Variants in GRM3 observed in about 807,000 individuals in gnomAD.
The protein encoded by GRM3 is glutamate metabotropic receptor 3, also known as metabotropic glutamate receptor 3.
In GRM3, 26 loss-of-function variants were observed where a neutral mutation model predicts 70.5. That is an observed-to-expected ratio of 0.37 (90% CI 0.27 to 0.51). The LOEUF (loss-of-function observed/expected upper bound fraction) is 0.51, where lower values mean the gene tolerates loss of function less well. GRM3 is among the 20% of genes least tolerant of loss of function. The pLI is 0.93. For missense variants in GRM3, 859 were observed against 1,123.8 expected, an observed-to-expected ratio of 0.76 and a Z score of 3.37; for synonymous variants, 443 against 434.9, an observed-to-expected ratio of 1.02 and a Z score of -0.23.
intron 1 of GRM3, among the ~76,000 whole-genome samples, chr7:86,705,709 CA>C (rs946400882): frequency 1.1e-3 from 167 of 151,944 alleles, no homozygotes; most frequent in African/African-American, 3.9e-3. Flanking sequence ...AAAAACAAAA[CA>C]AAAAAGAAAC....
At chr7:86,729,815 T>C (rs1300173113) in intron 1 of GRM3, among the ~76,000 whole-genome samples, 6 of 152,158 alleles carry the variant, frequency 3.9e-5, no homozygotes, top group Non-Finnish European at 7.3e-5. Flanking sequence ...CTATTAAAAA[T>C]GGCATAACTC....
intron 3 of GRM3, among the ~76,000 whole-genome samples, chr7:86,811,470 T>C (rs1479927971): frequency 1.3e-5 from 2 of 151,826 alleles, no homozygotes; most frequent in Admixed American, 1.3e-4. Flanking sequence ...GTATCATCTC[T>C]AGGAGGACCA....
At chr7:86,661,966 A>AT (rs1793905426) in intron 1 of GRM3, among the ~76,000 whole-genome samples, 1 of 151,792 alleles carries the variant, frequency 6.6e-6, no homozygotes, top group Non-Finnish European at 1.5e-5. Context: ...ATATAATAAT[A>AT]TTTTTTCCCA....
In GRM3 at chr7:86,850,440, C is replaced by A; in HGVS notation, c.2462C>A (p.Pro821His). Residue 821 changes from proline to histidine, a missense_variant, in exon 5 of 6, where the codon CCC (proline) becomes CAC (histidine). Physicochemically the swap from Pro to His is moderately conservative, Grantham distance 77. Coordinates refer to ENST00000361669, the MANE Select transcript of GRM3 (RefSeq NM_000840.3). The part of the protein sequence containing the change: ...GFVVLGCLFA[P>H]KVHIILFQPQ... The stretch of plus-strand genomic sequence containing the variant: ...GTGGTCTTGGGCTGTTTGTTTGCAC[C>A]CAAGGTTCACATCATCCTGTTTCAA... 6.2e-7 allele frequency: 1 copy of A among 1,612,144 alleles called. No homozygotes were observed. The highest frequency in any genetic ancestry group is 8.5e-7 in the Non-Finnish European group (1 of 1,178,470).
chr7:86,849,161 G>A (rs549532901), intron 4 of GRM3, among the ~76,000 whole-genome samples: 84 of 152,242 alleles, frequency 5.5e-4, no homozygotes, highest in African/African-American at 2.0e-3. Flanking sequence ...GGCAGAAAGA[G>A]GACAATGCTA....
rs274623 is a variant in GRM3, at chr7:86,644,880, T to G, written c.-141+8T>G. On this transcript the variant is annotated splice_region_variant and intron_variant, in intron 1 of 5. Transcript: ENST00000361669. ...AGGAGTTGTCGGTGCGAGGTAAGGGTCCCAGAGGAGGACGTGTCCCTCTGG... is the reference window on the plus strand; with the variant it reads ...AGGAGTTGTCGGTGCGAGGTAAGGGGCCCAGAGGAGGACGTGTCCCTCTGG... 0.66 allele frequency: 845,480 copies of G among 1,279,992 alleles called. 282,797 individuals carry two copies. The highest frequency in any genetic ancestry group is 0.88 in the East Asian group (15,704 of 17,912). The allele number at this position is 1,279,992 out of a possible 1,614,324, so 79.3% of individuals were successfully genotyped here. A position where few individuals can be genotyped will look rare whatever the true frequency, so the allele number is the denominator to read the frequency against.
chr7:86,666,465 T>C (rs1001183091), intron 1 of GRM3, among the ~76,000 whole-genome samples: 1 of 152,082 alleles, frequency 6.6e-6, no homozygotes, highest in African/African-American at 2.4e-5. Flanking sequence ...TGGTATTTTA[T>C]CAACTAAAAG....
At chr7:86,799,008 C>G (rs1367786382) in intron 3 of GRM3, among the ~76,000 whole-genome samples, 1 of 152,162 alleles carries the variant, frequency 6.6e-6, no homozygotes, top group East Asian at 1.9e-4. Context: ...TTGGGTATGT[C>G]TTTATTAGCA....
intron 1 of GRM3, among the ~76,000 whole-genome samples, chr7:86,707,881 A>T (rs1194943996): frequency 5.3e-5 from 8 of 152,138 alleles, no homozygotes; most frequent in Admixed American, 4.6e-4. Flanking sequence ...ACCAAATGCC[A>T]GGCACTGATG....
At chr7:86,811,943 G>A (rs960588457) in intron 3 of GRM3, among the ~76,000 whole-genome samples, 1 of 151,204 alleles carries the variant, frequency 6.6e-6, no homozygotes, top group East Asian at 1.9e-4. Context: ...ATAATTATCT[G>A]TTGATATATA....
At chr7:86,833,800 C>A (rs1000526292) in intron 3 of GRM3, among the ~76,000 whole-genome samples, 11 of 152,158 alleles carry the variant, frequency 7.2e-5, no homozygotes, top group Admixed American at 6.5e-4. Context: ...AGCTAAGGAG[C>A]AGAGCATTTC....
At chr7:86,752,386 A>T (rs1044877303) in intron 1 of GRM3, among the ~76,000 whole-genome samples, 2 of 152,164 alleles carry the variant, frequency 1.3e-5, no homozygotes, top group African/African-American at 4.8e-5. Flanking sequence ...AAAGGAAAGC[A>T]AACCTAGAAG....
chr7:86,734,335 G>A (rs1322032661), intron 1 of GRM3, among the ~76,000 whole-genome samples: 1 of 152,070 alleles, frequency 6.6e-6, no homozygotes. Context: ...TGTTGAATTA[G>A]TTCCTTTTCT....
intron 1 of GRM3, among the ~76,000 whole-genome samples, chr7:86,656,260 C>CTTTTTTTTTTTTT (rs1165969016): frequency 3.6e-5 from 3 of 83,266 alleles, no homozygotes; most frequent in Non-Finnish European, 6.4e-5. Context: ...ATACTATGTT[C>CTTTTTTTTTTTTT]TTTTTTTTTT....
intron 1 of GRM3, among the ~76,000 whole-genome samples, chr7:86,698,693 C>A (rs1295436451): frequency 6.6e-6 from 1 of 151,776 alleles, no homozygotes; most frequent in Non-Finnish European, 1.5e-5. Context: ...TGGTGAATGT[C>A]TGCTGAGATG....
At chr7:86,812,174 G>T (rs188902979) in intron 3 of GRM3, among the ~76,000 whole-genome samples, 1 of 151,750 alleles carries the variant, frequency 6.6e-6, no homozygotes, top group Non-Finnish European at 1.5e-5. Context: ...AAAGTAATGA[G>T]ACTGTTAAAA....
chr7:86,684,137 C>A (rs2115984848), intron 1 of GRM3, among the ~76,000 whole-genome samples: 1 of 152,212 alleles, frequency 6.6e-6, no homozygotes, highest in East Asian at 1.9e-4. Flanking sequence ...CACTCCCTCC[C>A]CGAAGTCTTA....
chr7:86,669,578 G>A (rs1794119762), intron 1 of GRM3, among the ~76,000 whole-genome samples: 1 of 152,148 alleles, frequency 6.6e-6, no homozygotes, highest in Non-Finnish European at 1.5e-5. Flanking sequence ...CTTCATTGTA[G>A]AAGTATTATT....
intron 1 of GRM3, among the ~76,000 whole-genome samples, chr7:86,727,770 A>C (rs1035383810): frequency 3.9e-5 from 6 of 152,278 alleles, no homozygotes; most frequent in African/African-American, 1.4e-4. Flanking sequence ...TATGATCTAA[A>C]CCAGGAGTCC....
Sources: gnomAD v4.1 joint callset for allele counts (sites outside exome capture counted in the v4.1 genomes callset) on GRCh38, gnomAD v4.1.1 for gene constraint, MANE v1.5 for transcripts, NCBI Gene and HGNC (gene_info 2026-07-23, HGNC 2026-07-21) for gene names.